Variants in DCC observed in about 807,000 individuals in gnomAD.
DCC encodes DCC netrin 1 receptor.
DCC carries 58 observed loss-of-function variants against 172.5 expected under a neutral mutation model. The ratio of observed to expected loss-of-function variants is 0.34; its 90% CI spans 0.27 to 0.42. DCC has a LOEUF of 0.42. DCC is among the 10% of genes least tolerant of loss of function. DCC has a pLI of 1.00. For missense variants in DCC, 1,740 were observed against 1,791.0 expected (o/e 0.97, Z 0.51); for synonymous variants, 709 against 644.5 (o/e 1.10, Z -1.52).
At chr18:52,821,326 C>G (rs771624499) in intron 2 of DCC, among the ~76,000 whole-genome samples, 3 of 152,150 alleles carry the variant, frequency 2.0e-5, no homozygotes, top group Non-Finnish European at 2.9e-5. Context: ...GTGTATTCCT[C>G]TCTTCCCCTC....
rs112799603 is a variant in DCC, at chr18:53,119,209, C to T, written c.1262-38147C>T. Among the ~76,000 whole-genome samples, 1,469 of 151,846 alleles carry T rather than the reference C, an allele frequency of 9.7e-3. 33 individuals carry two copies. Among genetic ancestry groups the T allele is most frequent in the African/African-American group, 0.033 (1,363 of 41,474 alleles). ...GGTCAAGATCTGCTTCTGGAAGCTT[C>T]GTTTCATTGGCGTACATTCTTTATC... On this transcript the variant is annotated intron_variant, in intron 7 of 28. Coordinates refer to ENST00000442544, the MANE Select transcript of DCC (RefSeq NM_005215.4).
chr18:52,775,118 C>T (rs1285311131), intron 2 of DCC, among the ~76,000 whole-genome samples: 2 of 152,134 alleles, frequency 1.3e-5, no homozygotes, highest in South Asian at 2.1e-4. Context: ...CCACGCTCAC[C>T]TTCCAGGATC....
intron 15 of DCC, among the ~76,000 whole-genome samples, chr18:53,347,709 C>A (rs930808748): frequency 2.0e-5 from 3 of 152,092 alleles, no homozygotes; most frequent in African/African-American, 4.8e-5. Context: ...TTTAATTGGA[C>A]TTACAGTTCC....
chr18:52,773,486 C>T (rs1303846661), intron 2 of DCC, among the ~76,000 whole-genome samples: 5 of 144,064 alleles, frequency 3.5e-5, no homozygotes, highest in Middle Eastern at 3.8e-3. Context: ...ATTAACCCCC[C>T]CAAATATATA....
intron 12 of DCC, among the ~76,000 whole-genome samples, chr18:53,299,372 TCC>T (rs2057105491): frequency 6.6e-6 from 1 of 152,184 alleles, no homozygotes; most frequent in African/African-American, 2.4e-5. Flanking sequence ...ATCCTATATA[TCC>T]TTTGCTTTAG....
chr18:52,661,294 C>G lies in DCC; in HGVS notation c.92-90760C>G, dbSNP rs545593469. ...GGCAAAGGGACATTAGACATTAGACCTACAGACTCTCCCTGGTCCCACAGA... is the reference window on the plus strand; with the variant it reads ...GGCAAAGGGACATTAGACATTAGACGTACAGACTCTCCCTGGTCCCACAGA... On this transcript the variant is annotated intron_variant, in intron 1 of 28. Transcript: ENST00000442544. 8.4e-4 allele frequency among the ~76,000 whole-genome samples: 128 copies of G among 152,254 alleles called. 1 individual carries two copies. The highest frequency in any genetic ancestry group is 3.1e-3 in the African/African-American group (127 of 41,538).
intron 27 of DCC, among the ~76,000 whole-genome samples, chr18:53,520,677 A>G (rs919747099): frequency 2.0e-5 from 3 of 152,100 alleles, no homozygotes; most frequent in African/African-American, 7.2e-5. Context: ...ACAAAAAAAT[A>G]CAAACATCAT....
At chr18:52,398,929 C>A (rs919793728) in intron 1 of DCC, among the ~76,000 whole-genome samples, 14 of 151,944 alleles carry the variant, frequency 9.2e-5, no homozygotes, top group African/African-American at 2.9e-4. Flanking sequence ...CTCATGTAAC[C>A]AAATACTACC....
intron 27 of DCC, among the ~76,000 whole-genome samples, chr18:53,505,760 C>T (rs2046166005): frequency 6.6e-6 from 1 of 152,054 alleles, no homozygotes; most frequent in Non-Finnish European, 1.5e-5. Context: ...AAAGAATGTA[C>T]TTGGATTATA....
At chr18:52,375,435 C>T (rs1985307315) in intron 1 of DCC, among the ~76,000 whole-genome samples, 2 of 152,266 alleles carry the variant, frequency 1.3e-5, no homozygotes, top group Admixed American at 6.5e-5. Context: ...ACTGGTTTAG[C>T]TCTTTGGAGA....
chr18:53,412,066 C>T (rs1214971513), intron 20 of DCC, among the ~76,000 whole-genome samples: 7 of 152,104 alleles, frequency 4.6e-5, no homozygotes, highest in Non-Finnish European at 8.8e-5. Flanking sequence ...ATAAGATTTG[C>T]AGGCCCACAT....
At chr18:53,217,262 TACAC>T (rs36226906) in intron 12 of DCC, among the ~76,000 whole-genome samples, 12,585 of 133,248 alleles carry the variant, frequency 0.094, 758 homozygotes, top group East Asian at 0.2. Context: ...ATATATATTA[TACAC>T]ACACACACAC....
chr18:52,816,392 T>C (rs185539682), intron 2 of DCC, among the ~76,000 whole-genome samples: 257 of 152,352 alleles, frequency 1.7e-3, no homozygotes, highest in Non-Finnish European at 2.6e-3. Flanking sequence ...TCACAGTGAA[T>C]GTTCCCGGCA....
intron 1 of DCC, among the ~76,000 whole-genome samples, chr18:52,487,051 TTAA>T (rs1156934257): frequency 6.6e-6 from 1 of 151,984 alleles, no homozygotes; most frequent in Non-Finnish European, 1.5e-5. Context: ...TAAAACTGAG[TTAA>T]TAATCGTTTT....
chr18:52,995,415 C>G (rs1200134437), intron 5 of DCC, among the ~76,000 whole-genome samples: 1 of 152,048 alleles, frequency 6.6e-6, no homozygotes, highest in African/African-American at 2.4e-5. Flanking sequence ...TGAGGCAGTT[C>G]GGTTTTCTCT....
intron 1 of DCC, among the ~76,000 whole-genome samples, chr18:52,527,542 GA>G (rs1289692543): frequency 6.6e-6 from 1 of 152,108 alleles, no homozygotes; most frequent in African/African-American, 2.4e-5. Flanking sequence ...AAATGTGTTG[GA>G]AAAATGCAGA....
intron 1 of DCC, among the ~76,000 whole-genome samples, chr18:52,463,300 T>C (rs1305797976): frequency 2.0e-5 from 3 of 152,064 alleles, no homozygotes; most frequent in Non-Finnish European, 4.4e-5. Context: ...CCTGACTTTT[T>C]TGAATTCTAC....
chr18:53,060,009 AT>A (rs556823473), intron 5 of DCC, among the ~76,000 whole-genome samples: 905 of 146,042 alleles, frequency 6.2e-3, no homozygotes, highest in Non-Finnish European at 7.7e-3. Flanking sequence ...ACTTAGACTC[AT>A]TTTTTTTTTT....
At chr18:53,241,387 G>T (rs920391237) in intron 12 of DCC, among the ~76,000 whole-genome samples, 8 of 152,138 alleles carry the variant, frequency 5.3e-5, no homozygotes, top group African/African-American at 1.9e-4. Context: ...ATTCTCCCCA[G>T]TCCTGCTTTC....
Sources: allele counts gnomAD v4.1 joint callset (sites outside exome capture counted in the v4.1 genomes callset), GRCh38; gene constraint gnomAD v4.1.1; transcripts MANE v1.5; gene names NCBI Gene and HGNC (gene_info 2026-07-23, HGNC 2026-07-21).